The following C11orf42 variants were observed in gnomAD, a reference collection of about 807,000 sequenced individuals.
C11orf42 encodes chromosome 11 open reading frame 42, also known as uncharacterized protein C11orf42.
Under a neutral mutation model 27.9 loss-of-function variants are expected in C11orf42, and 24 were observed. The ratio of observed to expected loss-of-function variants is 0.86; its 90% CI spans 0.62 to 1.21. The LOEUF is 1.21. Among genes scored for constraint, C11orf42 ranks in the 50% most tolerant of loss-of-function variants. C11orf42 has a pLI of 0.00. For missense variants in C11orf42, 455 were observed against 424.1 expected, an observed-to-expected ratio of 1.07 and a Z score of -0.64; for synonymous variants, 187 against 180.8, an observed-to-expected ratio of 1.03 and a Z score of -0.28.
rs149453280 is a variant in C11orf42 at position 6,210,551 on chromosome 11, A to C, written c.774A>C (p.Pro258=). ...ATGTGCCCCCACCTGTCCCAGCCCCACCTACGCCACCTCCCCAGGAAGGGC... is the reference window on the plus strand; with the variant it reads ...ATGTGCCCCCACCTGTCCCAGCCCCCCCTACGCCACCTCCCCAGGAAGGGC... The part of the protein sequence containing the change: ...AADVPPPVPA[P]PTPPPQEGPE... The change falls in exon 2 of 3, where the codon CCA becomes CCC. Residue 258 remains proline, a synonymous_variant. Transcript: ENST00000316375. The surrounding 1 kb of genome is among the most constrained non-coding windows in gnomAD (Gnocchi z 4.0). The C allele has an allele frequency of 2.4e-4, 394 of 1,613,560 alleles. 1 individual carries two copies. In the African/African-American group the frequency reaches 4.0e-3, roughly 16 times the overall value.
At chr11:6,209,802 G>A (rs1225837307) in intron 1 of C11orf42, 48 bp from the exon 2 acceptor site, 1 of 1,517,486 alleles carries the variant, frequency 6.6e-7, no homozygotes, top group East Asian at 2.3e-5. Context: ...TAGGCAACCA[G>A]TTAACTTCTG....
chr11:6,205,921 T>A (rs146389643), intron 1 of C11orf42, among the ~76,000 whole-genome samples: 2 of 152,230 alleles, frequency 1.3e-5, no homozygotes, highest in Non-Finnish European at 2.9e-5. Context: ...TAGGGAATTA[T>A]GAGCAAAGAG....
rs780297674 is a variant in C11orf42 at position 6,210,645 on chromosome 11, T to C, written c.868T>C (p.Ser290Pro). 1 of 1,613,056 alleles carries C rather than the reference T, an allele frequency of 6.2e-7. No individual in the cohort carries two copies. The highest frequency in any genetic ancestry group is 1.1e-5 in the South Asian group (1 of 91,016). The change falls in exon 2 of 3, where the codon TCA becomes CCA. Residue 290 changes from serine (S) to proline (P), a missense_variant. Ser to Pro is a moderately conservative substitution (Grantham distance 74). Transcript: ENST00000316375. The surrounding 1 kb of genome is among the most constrained non-coding windows in gnomAD (Gnocchi z 4.0). ...NPFWRGPQILSENWLFSPRSP... is the reference protein window; with the variant it reads ...NPFWRGPQILPENWLFSPRSP... Reference sequence around the variant, plus strand: ...CTTCTGGAGGGGGCCCCAGATACTGTCAGGTACTACTAGGGGAAATGATGA... The same window carrying C: ...CTTCTGGAGGGGGCCCCAGATACTGCCAGGTACTACTAGGGGAAATGATGA...
intron 1 of C11orf42, 94 bp downstream of exon 1, chr11:6,205,781 A>G: frequency 1.0e-6 from 1 of 990,486 alleles, no homozygotes; most frequent in South Asian, 1.5e-5. Context: ...GAAGTCTGAA[A>G]ACAATAATAA....
At chr11:6,208,150 C>G (rs1313142476) in intron 1 of C11orf42, among the ~76,000 whole-genome samples, 1 of 151,936 alleles carries the variant, frequency 6.6e-6, no homozygotes, top group African/African-American at 2.4e-5. Flanking sequence ...AATAAACTTT[C>G]CAGGGTTACC....
chr11:6,210,611 C>A lies in C11orf42; in HGVS notation c.834C>A (p.Gly278=). ...EDKPTRFSYK[G]RNPFWRGPQI... is the part of the protein sequence containing the mutation. ...AACCCACCAGATTCTCCTACAAGGG[C>A]CGAAACCCCTTCTGGAGGGGGCCCC... The change falls in exon 2 of 3, where the codon GGC becomes GGA. Residue 278 remains glycine (G), a synonymous_variant. Transcript: ENST00000316375. The surrounding 1 kb of genome is among the most constrained non-coding windows in gnomAD (Gnocchi z 4.0). 5 of 1,614,142 alleles carry A rather than the reference C, an allele frequency of 3.1e-6. No individual in the cohort carries two copies. Among genetic ancestry groups the A allele is most frequent in the Non-Finnish European group, 4.2e-6 (5 of 1,180,018 alleles).
chr11:6,206,507 T>C (rs534425398), intron 1 of C11orf42, among the ~76,000 whole-genome samples: 1 of 152,178 alleles, frequency 6.6e-6, no homozygotes, highest in South Asian at 2.1e-4. Context: ...CTATGTGATT[T>C]GAAGGAAGGT....
intron 1 of C11orf42, among the ~76,000 whole-genome samples, chr11:6,208,013 C>G (rs1207585466): frequency 6.6e-6 from 1 of 152,190 alleles, no homozygotes; most frequent in Non-Finnish European, 1.5e-5. Context: ...AGAGGAAATT[C>G]TGTGTGCCCT....
chr11:6,208,327 T>C (rs1339478355), intron 1 of C11orf42, among the ~76,000 whole-genome samples: 1 of 152,166 alleles, frequency 6.6e-6, no homozygotes, highest in African/African-American at 2.4e-5. Flanking sequence ...GTAGAAGGCA[T>C]ATACTATGAG....
Position 6,209,851 on chromosome 11 carries a change from T to A in C11orf42, c.74T>A (p.Val25Asp), listed in dbSNP as rs1237501998. The A allele has an allele frequency of 1.3e-6, 2 of 1,577,026 alleles. No homozygotes were observed. Among genetic ancestry groups the A allele is most frequent in the Non-Finnish European group, 1.7e-6 (2 of 1,154,566 alleles). ...DATWTLIKDK[V>D]IEEHFGPNAV... ...GACCTATAAACTGGCCACCTGCAGGTCATCGAGGAGCACTTTGGGCCCAAT... is the reference window on the plus strand; with the variant it reads ...GACCTATAAACTGGCCACCTGCAGGACATCGAGGAGCACTTTGGGCCCAAT... Residue 25 changes from valine (V) to aspartate (D), a missense_variant and splice_region_variant, in exon 2 of 3, where the codon GTC (valine) becomes GAC (aspartate). Physicochemically the swap from Val to Asp is radical, Grantham distance 152. Coordinates refer to ENST00000316375, the MANE Select transcript of C11orf42 (RefSeq NM_173525.3).
chr11:6,207,746 A>C (rs1452839839), intron 1 of C11orf42, among the ~76,000 whole-genome samples: 2 of 152,238 alleles, frequency 1.3e-5, no homozygotes, highest in East Asian at 3.8e-4. Flanking sequence ...GTAGTCTACA[A>C]GCTACCTCAG....
At chr11:6,206,254 G>A (rs1846978131) in intron 1 of C11orf42, among the ~76,000 whole-genome samples, 1 of 152,182 alleles carries the variant, frequency 6.6e-6, no homozygotes, top group Admixed American at 6.5e-5. Context: ...GCTAGTCTTA[G>A]AACCAGGACT....
Position 6,210,721 on chromosome 11 carries a change from A to G in C11orf42, c.871+73A>G. 1 of 1,511,852 alleles carries G rather than the reference A, an allele frequency of 6.6e-7. No homozygotes were observed. Among genetic ancestry groups the G allele is most frequent in the Non-Finnish European group, 9.0e-7 (1 of 1,108,638 alleles). 93.7% of individuals were successfully genotyped at this position (1,511,852 alleles called of 1,614,324 possible). On this transcript the variant is annotated intron_variant, in intron 2 of 2. Transcript: ENST00000316375. This position sits in a 1 kb window ranked among gnomAD's most constrained non-coding sequence, Gnocchi z 4.0. ...AAGGAGGGAGAAGGCATGAGAATTA[A>G]GTATGTGAGGAATCCATTACTCAGC...
Position 6,210,175 on chromosome 11 carries a change from AG to A in C11orf42, c.400del (p.Val134LeufsTer11), listed in dbSNP as rs748483057. The A allele has an allele frequency of 6.2e-7, 1 of 1,614,094 alleles. No homozygotes were observed. The highest frequency in any genetic ancestry group is 8.5e-7 in the Non-Finnish European group (1 of 1,180,034). On this transcript the variant is annotated frameshift_variant, in exon 2 of 3. Transcript: ENST00000316375. LOFTEE classifies it high-confidence loss of function. The surrounding 1 kb of genome is among the most constrained non-coding windows in gnomAD (Gnocchi z 4.0). ...CTACATATGGGTGACCTGCGCAAGAAGGTTGCCTTCCTGTTGCTGCCACCAG... is the reference window on the plus strand; with the variant it reads ...CTACATATGGGTGACCTGCGCAAGAAGTTGCCTTCCTGTTGCTGCCACCAG... ...IRLHMGDLRK[K>X]VAFLLLPPGQ...
chr11:6,206,655 C>G (rs893860921), intron 1 of C11orf42, among the ~76,000 whole-genome samples: 1 of 152,110 alleles, frequency 6.6e-6, no homozygotes, highest in Admixed American at 6.5e-5. Flanking sequence ...ACCACAAAGG[C>G]CAGCTTCCCA....
At chr11:6,206,491 C>CA (rs1025817223) in intron 1 of C11orf42, among the ~76,000 whole-genome samples, 2 of 151,878 alleles carry the variant, frequency 1.3e-5, no homozygotes, top group Non-Finnish European at 2.9e-5. Context: ...AATTTAGAAT[C>CA]AGATTCTATG....
Position 6,210,200 on chromosome 11 carries a change from A to AGGGCAG in C11orf42, c.425_430dup (p.Gly142_Gln143dup). 6.2e-7 allele frequency: 1 copy of AGGGCAG among 1,614,238 alleles called. No homozygotes were observed. On this transcript the variant is annotated inframe_insertion, in exon 2 of 3. Transcript: ENST00000316375. This position sits in a 1 kb window ranked among gnomAD's most constrained non-coding sequence, Gnocchi z 4.0. ...AGGTTGCCTTCCTGTTGCTGCCACC[A>AGGGCAG]GGGCAGGTGAGCCTACAGCAGACTC... is the stretch of plus-strand genomic sequence containing the variant.
intron 1 of C11orf42, among the ~76,000 whole-genome samples, chr11:6,208,881 A>T (rs905471189): frequency 6.6e-6 from 1 of 152,112 alleles, no homozygotes; most frequent in African/African-American, 2.4e-5. Context: ...TCCTATTAAA[A>T]ATTAGCTTTC....
rs2133764760 is a variant in C11orf42 at position 6,209,859 on chromosome 11, G to A, written c.82G>A (p.Glu28Lys). The change falls in exon 2 of 3, where the codon GAG becomes AAG. Residue 28 changes from glutamate to lysine, a missense_variant. Physicochemically the swap from Glu to Lys is moderately conservative, Grantham distance 56 (BLOSUM62 1). Coordinates refer to ENST00000316375, the MANE Select transcript of C11orf42 (RefSeq NM_173525.3). ...WTLIKDKVIE[E>K]HFGPNAVAVP... Reference sequence around the variant, plus strand: ...AACTGGCCACCTGCAGGTCATCGAGGAGCACTTTGGGCCCAATGCAGTAGC... The same window carrying A: ...AACTGGCCACCTGCAGGTCATCGAGAAGCACTTTGGGCCCAATGCAGTAGC... 6.3e-7 allele frequency: 1 copy of A among 1,583,378 alleles called. No individual in the cohort carries two copies. The highest frequency in any genetic ancestry group is 8.6e-7 in the Non-Finnish European group (1 of 1,157,362).
Sources: allele counts gnomAD v4.1 joint callset (sites outside exome capture counted in the v4.1 genomes callset), GRCh38; gene constraint gnomAD v4.1.1; non-coding constraint Gnocchi (gnomAD v3.1); transcripts MANE v1.5; gene names NCBI Gene and HGNC (gene_info 2026-07-23, HGNC 2026-07-21).